CREB1: variants seen among roughly 807,000 people sequenced by gnomAD.
CREB1 encodes the protein cyclic AMP-responsive element-binding protein 1.
In CREB1, 2 loss-of-function variants were observed where a neutral mutation model predicts 42.0. The observed-to-expected ratio is 0.05, with a 90% CI of 0.02 to 0.15. The LOEUF is 0.15. Among genes scored for constraint, CREB1 ranks in the 10% least tolerant of loss-of-function variants. The probability of loss-of-function intolerance (pLI) is 1.00; values close to 1 mark genes in which losing one functional copy is unlikely to be tolerated. For missense variants in CREB1, 199 were observed against 388.9 expected (o/e 0.51, Z 4.11); for synonymous variants, 123 against 139.9 (o/e 0.88, Z 0.85).
chr2:207,587,715 TCTCA>T (rs1255481773), intron 7 of CREB1, among the ~76,000 whole-genome samples: 4 of 152,210 alleles, frequency 2.6e-5, no homozygotes, highest in African/African-American at 7.2e-5. Context: ...TACCACATGT[TCTCA>T]CTCATGTGGG....
In CREB1 at chr2:207,577,523, A is replaced by G. The variant is rs980839444; in HGVS notation, c.707A>G (p.Gln236Arg). The part of the protein sequence containing the change: ...VVVQAASGDV[Q>R]TYQIRTAPTS... ...TTTTCAGCTGCCTCTGGAGACGTACAAACATACCAGATTCGCACAGCACCC... is the reference window on the plus strand; with the variant it reads ...TTTTCAGCTGCCTCTGGAGACGTACGAACATACCAGATTCGCACAGCACCC... Residue 236 changes from glutamine (Q) to arginine (R), a missense_variant, in exon 7 of 8, where the codon CAA becomes CGA. Around this residue, in one of 4 missense-constraint regions of CREB1, gnomAD observed 66 missense variants for 88.1 expected, o/e 0.75. Transcript: ENST00000353267. The G allele has an allele frequency of 3.7e-6, 6 of 1,613,884 alleles. No homozygotes were observed. Among genetic ancestry groups the G allele is most frequent in the African/African-American group, 2.7e-5 (2 of 74,898 alleles).
At chr2:207,577,460 A>G (rs2082640874) in intron 6 of CREB1, 45 bp from the exon 7 acceptor site, 1 of 1,598,298 alleles carries the variant, frequency 6.3e-7, no homozygotes, top group Non-Finnish European at 8.6e-7. Context: ...AATTGAATCA[A>G]GTTGCAATGT....
chr2:207,585,481 G>T (rs1342573582), intron 7 of CREB1, among the ~76,000 whole-genome samples: 1 of 152,176 alleles, frequency 6.6e-6, no homozygotes, highest in African/African-American at 2.4e-5. Context: ...TAAAGCAGCA[G>T]TTGCACAGAT....
At chr2:207,568,983 ACT>A (rs2082247621) in intron 4 of CREB1, among the ~76,000 whole-genome samples, 1 of 151,758 alleles carries the variant, frequency 6.6e-6, no homozygotes, top group Admixed American at 6.6e-5. Flanking sequence ...TAAAACCATT[ACT>A]CTCTCGTTTA....
intron 1 of CREB1, among the ~76,000 whole-genome samples, chr2:207,530,935 T>G (rs2080591956): frequency 6.6e-6 from 1 of 151,566 alleles, no homozygotes; most frequent in Non-Finnish European, 1.5e-5. Context: ...GAGCTTGTGC[T>G]TTTGGGGGGA....
intron 3 of CREB1, among the ~76,000 whole-genome samples, chr2:207,562,343 A>G (rs2106493792): frequency 1.3e-5 from 2 of 152,344 alleles, no homozygotes; most frequent in African/African-American, 4.8e-5. Context: ...AGTTACAGCC[A>G]CAAAATTTGC....
rs2087963122 is a variant in CREB1, at chr2:207,605,649, T to C, written c.*8591T>C. ...TCTCTCCTCCTCCCTCTCCCTTTTT[T>C]TACACAAAAGGTAGGTACAAACAGT... is the stretch of plus-strand genomic sequence containing the variant. On this transcript the variant is annotated 3_prime_UTR_variant, in exon 8 of 8. Transcript: ENST00000353267. 6.6e-6 allele frequency among the ~76,000 whole-genome samples: 1 copy of C among 152,204 alleles called. No homozygotes were observed. The highest frequency in any genetic ancestry group is 1.5e-5 in the Non-Finnish European group (1 of 68,036).
chr2:207,532,755 T>G (rs1348546608), intron 1 of CREB1, among the ~76,000 whole-genome samples: 1 of 152,054 alleles, frequency 6.6e-6, no homozygotes, highest in Non-Finnish European at 1.5e-5. Context: ...TTATTTTTAT[T>G]TATTTGTTTT....
chr2:207,565,401 CA>C (rs2082102715), intron 3 of CREB1, among the ~76,000 whole-genome samples: 1 of 151,712 alleles, frequency 6.6e-6, no homozygotes, highest in East Asian at 1.9e-4. Context: ...ATTCTCTTTA[CA>C]TTTACAAAGT....
chr2:207,556,759 G>T (rs1232065222), intron 2 of CREB1, among the ~76,000 whole-genome samples: 1 of 152,202 alleles, frequency 6.6e-6, no homozygotes, highest in Non-Finnish European at 1.5e-5. Context: ...GATTGAAGGG[G>T]AGAGAGCCAG....
In CREB1 at chr2:207,603,809, A is replaced by G. The variant is rs551816242; in HGVS notation, c.*6751A>G. Among the ~76,000 whole-genome samples the G allele has an allele frequency of 6.6e-6, 1 of 152,274 alleles. No homozygotes were observed. The highest frequency in any genetic ancestry group is 1.5e-5 in the Non-Finnish European group (1 of 68,002). ...CTCTGTGATCATATAAATTGGAAGG[A>G]AAGGGGAGGGGATATGGTTAATCTT... On this transcript the variant is annotated 3_prime_UTR_variant, in exon 8 of 8. Transcript: ENST00000353267.
intron 4 of CREB1, 112 bp from the exon 5 acceptor site, chr2:207,570,067 C>G: frequency 9.9e-5 from 38 of 382,096 alleles, no homozygotes; most frequent in Non-Finnish European, 1.5e-4. Context: ...AAAAAACCTT[C>G]TGTCCTAAGC....
chr2:207,550,404 A>G (rs1438891365), intron 1 of CREB1: 10 of 151,368 alleles, frequency 6.6e-5, no homozygotes, highest in Admixed American at 6.6e-4. Flanking sequence ...CTTTAGAGTC[A>G]AAATTCACAA....
chr2:207,592,703 G>A (rs1436634133), intron 7 of CREB1, among the ~76,000 whole-genome samples: 2 of 151,362 alleles, frequency 1.3e-5, no homozygotes, highest in Non-Finnish European at 3.0e-5. Context: ...GGCGGATCAC[G>A]AGGTCAGGAG....
intron 5 of CREB1, among the ~76,000 whole-genome samples, chr2:207,573,906 G>T (rs2082471620): frequency 6.6e-6 from 1 of 152,164 alleles, no homozygotes; most frequent in South Asian, 2.1e-4. Context: ...AACTCTAAAT[G>T]AGAAATTGTG....
intron 7 of CREB1, among the ~76,000 whole-genome samples, chr2:207,579,104 G>A (rs2082726156): frequency 1.3e-5 from 2 of 151,904 alleles, no homozygotes; most frequent in Admixed American, 1.3e-4. Context: ...ACTTTTATTT[G>A]TGCTCCATCC....
chr2:207,552,728 C>T (rs1156712014), intron 1 of CREB1, among the ~76,000 whole-genome samples: 1 of 151,668 alleles, frequency 6.6e-6, no homozygotes, highest in African/African-American at 2.4e-5. Flanking sequence ...GCCTCAGCCT[C>T]CCAAATATCC....
chr2:207,538,942 T>C (rs1193688004), intron 1 of CREB1, among the ~76,000 whole-genome samples: 1 of 152,176 alleles, frequency 6.6e-6, no homozygotes, highest in East Asian at 1.9e-4. Context: ...AGGGCTGTTA[T>C]CCCTGTTGGT....
chr2:207,597,016 G>A lies in CREB1; in HGVS notation c.942G>A (p.Glu314=), dbSNP rs565462091. 18 of 1,611,686 alleles carry A rather than the reference G, an allele frequency of 1.1e-5. 1 individual carries two copies. In the South Asian group the frequency reaches 1.4e-4, roughly 13 times the overall value. ...LENQNKTLIE[E]LKALKDLYCH... is the part of the protein sequence containing the mutation. ...ATCAAAACAAGACATTGATTGAGGAGCTAAAAGCACTTAAGGACCTTTACT... is the reference window on the plus strand; with the variant it reads ...ATCAAAACAAGACATTGATTGAGGAACTAAAAGCACTTAAGGACCTTTACT... Residue 314 remains glutamate, a synonymous_variant, in exon 8 of 8, where the codon GAG becomes GAA. Coordinates refer to ENST00000353267, the MANE Select transcript of CREB1 (RefSeq NM_004379.5).
Sources: allele counts gnomAD v4.1 joint callset (sites outside exome capture counted in the v4.1 genomes callset), GRCh38; gene constraint gnomAD v4.1.1; regional missense constraint gnomAD v4.1.1; transcripts MANE v1.5; gene names NCBI Gene and HGNC (gene_info 2026-07-23, HGNC 2026-07-21).